Variants in PHIP observed in about 807,000 individuals in gnomAD.
PHIP encodes PHIP subunit of CUL4-Ring ligase complex, also known as PH-interacting protein.
A neutral mutation model predicts 236.8 loss-of-function variants in PHIP; 54 were observed. The ratio of observed to expected loss-of-function variants is 0.23; its 90% CI spans 0.18 to 0.29. The LOEUF (loss-of-function observed/expected upper bound fraction) is 0.29, where lower values mean the gene tolerates loss of function less well. PHIP is among the 10% of genes least tolerant of loss of function. PHIP has a pLI of 1.00. For missense variants in PHIP, 1,370 were observed against 2,190.8 expected, an observed-to-expected ratio of 0.63 and a Z score of 7.48; for synonymous variants, 756 against 718.9, an observed-to-expected ratio of 1.05 and a Z score of -0.83.
At chr6:78,953,791 G>A (rs1360357263) in intron 35 of PHIP, among the ~76,000 whole-genome samples, 1 of 151,908 alleles carries the variant, frequency 6.6e-6, no homozygotes, top group Admixed American at 6.6e-5. Context: ...TTACCATGTT[G>A]GTCAGGCTGG....
chr6:78,989,240 A>ATTG (rs1769062579), intron 20 of PHIP, among the ~76,000 whole-genome samples: 1 of 152,130 alleles, frequency 6.6e-6, no homozygotes, highest in Non-Finnish European at 1.5e-5. Context: ...CAATGGCAAT[A>ATTG]CCCTGTCTCT....
intron 19 of PHIP, among the ~76,000 whole-genome samples, chr6:78,991,621 G>C (rs1769252826): frequency 6.6e-6 from 1 of 151,578 alleles, no homozygotes; most frequent in South Asian, 2.1e-4. Context: ...GAAATGCAAG[G>C]GTATTTGAAA....
intron 23 of PHIP, among the ~76,000 whole-genome samples, chr6:78,981,023 A>C (rs1768489688): frequency 6.6e-6 from 1 of 152,050 alleles, no homozygotes; most frequent in Admixed American, 6.6e-5. Context: ...AAAAATCATT[A>C]TGAGGACATA....
intron 7 of PHIP, among the ~76,000 whole-genome samples, chr6:79,033,817 C>T (rs1461759950): frequency 6.6e-6 from 1 of 152,166 alleles, no homozygotes; most frequent in Non-Finnish European, 1.5e-5. Flanking sequence ...ATTCCTCACT[C>T]GCCTTAATCT....
At chr6:79,043,330 A>G (rs1772316577) in intron 6 of PHIP, among the ~76,000 whole-genome samples, 1 of 152,052 alleles carries the variant, frequency 6.6e-6, no homozygotes, top group Non-Finnish European at 1.5e-5. Context: ...AACCTAAAGC[A>G]TTTATATGTT....
intron 17 of PHIP, 150 bp downstream of exon 17, chr6:79,001,749 T>G: frequency 3.3e-6 from 2 of 597,690 alleles, no homozygotes; most frequent in South Asian, 4.2e-5. Flanking sequence ...TTGTAATCCT[T>G]AAGCATGATC....
At chr6:78,942,812 T>C (rs1773572833) in intron 39 of PHIP, among the ~76,000 whole-genome samples, 1 of 152,196 alleles carries the variant, frequency 6.6e-6, no homozygotes, top group African/African-American at 2.4e-5. Flanking sequence ...TGGTCCCAAA[T>C]TTTGTATGGA....
chr6:78,998,569 C>T (rs1050676934), intron 17 of PHIP, among the ~76,000 whole-genome samples, 178 bp from the exon 18 acceptor site: 4 of 151,958 alleles, frequency 2.6e-5, no homozygotes, highest in African/African-American at 9.7e-5. Context: ...ATCTGTCCAT[C>T]TTAGTTTATC....
At position 78,997,016 on chromosome 6, in the gene PHIP, A is replaced by AT. The variant is rs769158256; in HGVS notation, c.2201+397dup. ...AAAATCTTTTTGTATTTTCCAATTT[A>AT]TTTTTTTTTTGCATCTGAATATCAT... On this transcript the variant is annotated intron_variant, in intron 19 of 39. Coordinates refer to ENST00000275034, the MANE Select transcript of PHIP (RefSeq NM_017934.7). Among the ~76,000 whole-genome samples, 544 of 148,314 alleles carry AT rather than the reference A, an allele frequency of 3.7e-3. 2 individuals are homozygous for AT. Among genetic ancestry groups the AT allele is most frequent in the Middle Eastern group, 7.1e-3 (2 of 282 alleles).
At chr6:78,957,593 A>C (rs1766510348) in intron 32 of PHIP, 1 of 151,822 alleles carries the variant, frequency 6.6e-6, no homozygotes, top group Non-Finnish European at 1.5e-5. Context: ...AAAAAAAAAA[A>C]AACTGAATAA....
chr6:78,943,989 T>TAAAAAA (rs1424311614), intron 39 of PHIP, among the ~76,000 whole-genome samples: 2 of 46,852 alleles, frequency 4.3e-5, no homozygotes, highest in African/African-American at 1.4e-4. Context: ...CTGTCTTTTT[T>TAAAAAA]TAAAAAAAAA....
Position 78,969,880 on chromosome 6 carries a change from A to G in PHIP, c.3160T>C (p.Leu1054=). The G allele has an allele frequency of 6.2e-7, 1 of 1,600,664 alleles. No individual in the cohort carries two copies. The part of the protein sequence containing the change: ...DMPDVIDFLV[L]RQQFDDAKYR... ...TTTGCATCATCAAATTGTTGTCTCAAGACTAGGAAATCTATAACGTCAGGC... is the reference window on the plus strand; with the variant it reads ...TTTGCATCATCAAATTGTTGTCTCAGGACTAGGAAATCTATAACGTCAGGC... Residue 1054 remains leucine (L), a synonymous_variant, in exon 27 of 40, where the codon TTG becomes CTG. Transcript: ENST00000275034.
chr6:79,038,633 C>T (rs993900720), intron 7 of PHIP, among the ~76,000 whole-genome samples: 17 of 145,194 alleles, frequency 1.2e-4, no homozygotes, highest in Middle Eastern at 3.5e-3. Flanking sequence ...CAGGCAGCTT[C>T]TCTGTCTCAA....
intron 6 of PHIP, among the ~76,000 whole-genome samples, chr6:79,054,194 TAGAA>T (rs1772949228): frequency 7.1e-6 from 1 of 141,836 alleles, no homozygotes. Flanking sequence ...AGGGAGGAAA[TAGAA>T]AGGCAGGGGA....
chr6:79,019,142 A>T lies in PHIP; in HGVS notation c.941T>A (p.Phe314Tyr). 1 of 1,612,408 alleles carries T rather than the reference A, an allele frequency of 6.2e-7. No homozygotes were observed. The highest frequency in any genetic ancestry group is 8.5e-7 in the Non-Finnish European group (1 of 1,178,622). Residue 314 changes from phenylalanine to tyrosine, a missense_variant, in exon 10 of 40, where the codon TTT becomes TAT. Coordinates refer to ENST00000275034, the MANE Select transcript of PHIP (RefSeq NM_017934.7). The part of the protein sequence containing the change: ...TLKINPRPAK[F>Y]TERPRPGVQM... ...AACTCCAGGCCGAGGGCGCTCTGTA[A>T]ATTTTGCAGGTCTTGGGCTGTAATA...
chr6:78,972,554 A>G (rs1340420571), intron 24 of PHIP, among the ~76,000 whole-genome samples: 1 of 152,218 alleles, frequency 6.6e-6, no homozygotes, highest in Non-Finnish European at 1.5e-5. Flanking sequence ...CTGAGAGAAG[A>G]AGGCTTCAGA....
chr6:78,998,467 G>GAA (rs1435966958), intron 17 of PHIP, 76 bp from the exon 18 acceptor site: 1 of 1,188,574 alleles, frequency 8.4e-7, no homozygotes, highest in Non-Finnish European at 1.2e-6. Context: ...CCTCACTTAT[G>GAA]AGTTCAGAAT....
chr6:78,955,734 T>G (rs1318468633), intron 32 of PHIP, 52 bp from the exon 33 acceptor site: 1 of 663,568 alleles, frequency 1.5e-6, no homozygotes, highest in South Asian at 2.1e-5. Flanking sequence ...GATAATTTTT[T>G]TCCTTAAAAA....
At chr6:79,011,258 C>G (rs1427639513) in intron 15 of PHIP, among the ~76,000 whole-genome samples, 2 of 151,812 alleles carry the variant, frequency 1.3e-5, no homozygotes, top group Admixed American at 6.6e-5. Context: ...TCTGAATACT[C>G]AAGTTATGTA....
Sources: gnomAD v4.1 joint callset for allele counts (sites outside exome capture counted in the v4.1 genomes callset) on GRCh38, gnomAD v4.1.1 for gene constraint, MANE v1.5 for transcripts, NCBI Gene and HGNC (gene_info 2026-07-23, HGNC 2026-07-21) for gene names.